ROBO1: variants seen among roughly 807,000 people sequenced by gnomAD.
ROBO1 encodes roundabout homolog 1.
A neutral mutation model predicts 195.9 loss-of-function variants in ROBO1; 149 were observed. The ratio of observed to expected loss-of-function variants is 0.76; its 90% CI spans 0.67 to 0.87. ROBO1 has a LOEUF of 0.87. Ranked by LOEUF, ROBO1 falls within the 40% of genes least tolerant of loss-of-function variation. The pLI, the probability that ROBO1 is intolerant of heterozygous loss-of-function variation, is 0.00. For synonymous variants in ROBO1, 816 were observed against 733.2 expected, an observed-to-expected ratio of 1.11 and a Z score of -1.82; for missense variants, 1,933 against 2,068.3, an observed-to-expected ratio of 0.93 and a Z score of 1.27.
chr3:78,619,902 C>T (rs142058899), intron 26 of ROBO1, among the ~76,000 whole-genome samples: 2,342 of 151,218 alleles, frequency 0.015, 58 homozygotes, highest in African/African-American at 0.052. Flanking sequence ...CCTGTAATCC[C>T]AGCTACTCGG....
intron 4 of ROBO1, among the ~76,000 whole-genome samples, chr3:78,813,466 A>G (rs1212872615): frequency 1.3e-5 from 2 of 151,972 alleles, no homozygotes; most frequent in Non-Finnish European, 2.9e-5. Context: ...ACCAAAAAAG[A>G]ATTTTTACAT....
At chr3:79,304,057 TAAAC>T (rs2033110672) in intron 2 of ROBO1, among the ~76,000 whole-genome samples, 1 of 152,242 alleles carries the variant, frequency 6.6e-6, no homozygotes, top group East Asian at 1.9e-4. Flanking sequence ...CCATTTGTCT[TAAAC>T]AATAAACTGT....
At chr3:79,590,286 C>G (rs1305080929) in intron 1 of ROBO1, among the ~76,000 whole-genome samples, 3 of 151,716 alleles carry the variant, frequency 2.0e-5, no homozygotes, top group Non-Finnish European at 3.0e-5. Context: ...GGAACACTCT[C>G]ATCACATTTA....
intron 4 of ROBO1, among the ~76,000 whole-genome samples, chr3:78,806,929 T>C (rs1238280510): frequency 6.6e-6 from 1 of 152,024 alleles, no homozygotes; most frequent in Admixed American, 6.6e-5. Context: ...TGCCTCAGCC[T>C]CCCAAGTGGC....
intron 4 of ROBO1, among the ~76,000 whole-genome samples, chr3:78,897,604 A>T (rs1421076387): frequency 1.4e-5 from 2 of 147,932 alleles, no homozygotes; most frequent in African/African-American, 5.0e-5. Context: ...TGCCAAAAAC[A>T]CATTTCTAAA....
chr3:79,499,289 C>T (rs1939926772), intron 2 of ROBO1, among the ~76,000 whole-genome samples: 1 of 152,104 alleles, frequency 6.6e-6, no homozygotes, highest in African/African-American at 2.4e-5. Context: ...GCCACCGCGC[C>T]CGGCCCAAAA....
chr3:79,610,475 G>A (rs1944624729), intron 1 of ROBO1, among the ~76,000 whole-genome samples: 1 of 151,874 alleles, frequency 6.6e-6, no homozygotes, highest in Non-Finnish European at 1.5e-5. Context: ...TGTTTTTCCT[G>A]TGATAATAAA....
chr3:78,958,969 G>A (rs772102082), intron 3 of ROBO1, among the ~76,000 whole-genome samples: 25 of 151,562 alleles, frequency 1.6e-4, no homozygotes, highest in Non-Finnish European at 2.5e-4. Flanking sequence ...TGCCACACCC[G>A]GCTAATTTTG....
intron 2 of ROBO1, among the ~76,000 whole-genome samples, chr3:79,519,154 C>A (rs905102094): frequency 2.6e-5 from 4 of 152,086 alleles, no homozygotes; most frequent in Admixed American, 1.3e-4. Context: ...GAATGAGCTC[C>A]AAGAGCAAGA....
chr3:78,629,269 C>T (rs1372441749), intron 25 of ROBO1, among the ~76,000 whole-genome samples: 2 of 151,876 alleles, frequency 1.3e-5, no homozygotes, highest in South Asian at 2.1e-4. Flanking sequence ...AGTCTTTCTC[C>T]TTGGGGCACA....
intron 1 of ROBO1, among the ~76,000 whole-genome samples, chr3:79,648,726 G>C (rs549054799): frequency 2.0e-5 from 3 of 151,998 alleles, no homozygotes; most frequent in South Asian, 4.2e-4. Flanking sequence ...TCTTGACAAA[G>C]ATAAATCTAA....
At chr3:79,005,083 G>A (rs2077590331) in intron 3 of ROBO1, among the ~76,000 whole-genome samples, 1 of 152,122 alleles carries the variant, frequency 6.6e-6, no homozygotes, top group Non-Finnish European at 1.5e-5. Context: ...GTTATTATTG[G>A]CAAGCTATTT....
chr3:78,900,651 A>T (rs2037527772), intron 4 of ROBO1, among the ~76,000 whole-genome samples: 1 of 152,132 alleles, frequency 6.6e-6, no homozygotes, highest in Non-Finnish European at 1.5e-5. Flanking sequence ...TTGCTTAATG[A>T]GTGTATATGC....
intron 2 of ROBO1, among the ~76,000 whole-genome samples, chr3:79,452,050 A>C (rs2039458801): frequency 6.6e-6 from 1 of 151,748 alleles, no homozygotes; most frequent in African/African-American, 2.4e-5. Flanking sequence ...CTTCTTTACA[A>C]TTTTTCTGCT....
At chr3:79,012,994 G>A (rs2077825544) in intron 3 of ROBO1, among the ~76,000 whole-genome samples, 1 of 152,012 alleles carries the variant, frequency 6.6e-6, no homozygotes, top group African/African-American at 2.4e-5. Flanking sequence ...AACTTTATTG[G>A]CTATGCATAA....
chr3:79,625,749 A>C (rs1945158124), intron 1 of ROBO1, among the ~76,000 whole-genome samples: 1 of 152,116 alleles, frequency 6.6e-6, no homozygotes, highest in Non-Finnish European at 1.5e-5. Flanking sequence ...CGAGGACCAG[A>C]TGGATTAACA....
chr3:78,854,187 G>T (rs2034254768), intron 4 of ROBO1, among the ~76,000 whole-genome samples: 1 of 150,934 alleles, frequency 6.6e-6, no homozygotes, highest in African/African-American at 2.4e-5. Flanking sequence ...CAGTTTGCCT[G>T]CCCCCACAGT....
At chr3:78,635,725 T>G in intron 23 of ROBO1, 48 bp downstream of exon 23, 12 of 1,495,880 alleles carry the variant, frequency 8.0e-6, no homozygotes, top group Non-Finnish European at 1.0e-5. Context: ...GTCGAGGTGC[T>G]GAGAGTATCA....
intron 4 of ROBO1, among the ~76,000 whole-genome samples, chr3:78,778,013 A>G (rs1007398398): frequency 4.6e-5 from 7 of 152,176 alleles, no homozygotes. Flanking sequence ...TGTTCCATCA[A>G]TACCTATTTT....
Sources: allele counts gnomAD v4.1 joint callset (sites outside exome capture counted in the v4.1 genomes callset), GRCh38; gene constraint gnomAD v4.1.1; transcripts MANE v1.5; gene names NCBI Gene and HGNC (gene_info 2026-07-23, HGNC 2026-07-21).